The following TTN variants were observed in gnomAD, a reference collection of about 807,000 sequenced individuals.
The protein encoded by TTN is titin.
Under a neutral mutation model 3,223.0 loss-of-function variants are expected in TTN, and 1,525 were observed. The ratio of observed to expected loss-of-function variants is 0.47; its 90% CI spans 0.45 to 0.49. The LOEUF is 0.49. TTN is among the 20% of genes least tolerant of loss of function. TTN has a pLI of 0.00. For missense variants in TTN, 40,786 were observed against 43,424.0 expected, an observed-to-expected ratio of 0.94 and a Z score of 5.40; for synonymous variants, 14,094 against 15,161.0, an observed-to-expected ratio of 0.93 and a Z score of 5.17.
rs1231315404 is a variant in TTN at position 178,705,070 on chromosome 2, T to A, written c.29604+104A>T. On this transcript the variant is annotated intron_variant, in intron 103 of 362. Coordinates refer to ENST00000589042, the MANE Select transcript of TTN (RefSeq NM_001267550.2). ...ATTCTGGATGCTGGTTAGGTCATAT[T>A]AAATGACGTCATATAACTATAGGAT... The A allele has an allele frequency of 3.1e-5, 48 of 1,569,836 alleles. No homozygotes were observed. In the South Asian group the frequency reaches 5.5e-4, roughly 18 times the overall value.
chr2:178,768,870 T>G lies in TTN; in HGVS notation c.8966A>C (p.Glu2989Ala), dbSNP rs1383280638. The change falls in exon 38 of 363, where the codon GAG becomes GCG. Residue 2989 changes from glutamate (E) to alanine (A), a missense_variant. By Grantham distance (107) the Glu-to-Ala change is moderately radical (BLOSUM62 -1). Coordinates refer to ENST00000589042, the MANE Select transcript of TTN (RefSeq NM_001267550.2). ...NAEEKDTITF[E>A]VTVNYEGISY... Reference sequence around the variant, plus strand: ...GATGCCTTCATAGTTCACTGTCACCTCAAAAGTAATAGTGTCTTTTTCTTC... The same window carrying G: ...GATGCCTTCATAGTTCACTGTCACCGCAAAAGTAATAGTGTCTTTTTCTTC... 2 of 1,613,968 alleles carry G rather than the reference T, an allele frequency of 1.2e-6. No homozygotes were observed. The highest frequency in any genetic ancestry group is 3.3e-5 in the Admixed American group (2 of 59,994).
chr2:178,758,904 G>T, intron 44 of TTN, 80 bp downstream of exon 44: 1 of 1,363,104 alleles, frequency 7.3e-7, no homozygotes, highest in Non-Finnish European at 1.0e-6. Context: ...TGATTTACAT[G>T]AACTCTTGAG....
rs72650052 is a variant in TTN at position 178,673,647 on chromosome 2, G to A, written c.34772C>T (p.Ala11591Val). ...APTPVPKKVE[A>V]PPAKVSKKIP... is the part of the protein sequence containing the mutation. ...ATTTGATATACCTTTAGCTGGTGGT[G>A]CCTCCACTTTTTTAGGAACAGGAGT... is the stretch of plus-strand genomic sequence containing the variant. The change falls in exon 152 of 363, where the codon GCA (alanine) becomes GTA (valine). Residue 11591 changes from alanine to valine, a missense_variant. Transcript: ENST00000589042. The A allele has an allele frequency of 8.8e-6, 14 of 1,594,272 alleles. No homozygotes were observed. The African/African-American group carries it at 1.6e-4, about 19-fold the overall frequency.
chr2:178,769,645 ATG>A lies in TTN; in HGVS notation c.8902+32_8902+33del, dbSNP rs2091153122. ...ACTGAATATTTGATATTTTATATAT[ATG>A]TGTATATATATATATATATTTTTTA... On this transcript the variant is annotated intron_variant, in intron 37 of 362. Coordinates refer to ENST00000589042, the MANE Select transcript of TTN (RefSeq NM_001267550.2). The A allele has an allele frequency of 6.1e-6, 8 of 1,315,618 alleles. No individual in the cohort carries two copies. In the Admixed American group the frequency reaches 8.2e-5, roughly 14 times the overall value. The allele number at this position is 1,315,618 out of a possible 1,614,324, so 81.5% of individuals were successfully genotyped here. A position where few individuals can be genotyped will look rare whatever the true frequency, so the allele number is the denominator to read the frequency against.
In TTN at chr2:178,572,569, G is replaced by A. The variant is rs756809007; in HGVS notation, c.73563C>T (p.Gly24521=). The change falls in exon 326 of 363, where the codon GGC becomes GGT. Residue 24521 remains glycine, a synonymous_variant. Coordinates refer to ENST00000589042, the MANE Select transcript of TTN (RefSeq NM_001267550.2). ...FVNVRVLDTP[G]PPQDLKVKEV... is the part of the protein sequence containing the mutation. ...CTTTTACCTTCAGATCCTGTGGGGG[G>A]CCTGGTGTATCGAGAACTCTAACAT... 10 of 1,613,310 alleles carry A rather than the reference G, an allele frequency of 6.2e-6. No homozygotes were observed. In the African/African-American group the frequency reaches 1.2e-4, roughly 19 times the overall value.
Position 178,563,624 on chromosome 2 carries a change from C to T in TTN, c.82508G>A (p.Gly27503Asp). Residue 27503 changes from glycine to aspartate, a missense_variant, in exon 326 of 363, where the codon GGC (glycine) becomes GAC (aspartate). Transcript: ENST00000589042. This position sits in a 1 kb window ranked among gnomAD's most constrained non-coding sequence, Gnocchi z 4.5. ...PVDDGGTEIE[G>D]YILEKRDKEG... The stretch of plus-strand genomic sequence containing the variant: ...CTTATCTCGTTTTTCAAGAATGTAG[C>T]CCTCAATTTCGGTACCTCCGTCGTC... The T allele has an allele frequency of 5.6e-6, 9 of 1,613,732 alleles. No individual in the cohort carries two copies. The highest frequency in any genetic ancestry group is 7.6e-6 in the Non-Finnish European group (9 of 1,179,774).
Position 178,614,158 on chromosome 2 carries a change from G to T in TTN, c.49239C>A (p.Thr16413=). Residue 16413 remains threonine (T), a synonymous_variant, in exon 262 of 363, where the codon ACC becomes ACA. Coordinates refer to ENST00000589042, the MANE Select transcript of TTN (RefSeq NM_001267550.2). The part of the protein sequence containing the change: ...STVKDTNFKA[T]KLIPNKEYIF... ...TGTACTCTTTATTGGGGATTAATTT[G>T]GTGGCCTTGAAGTTTGTATCCTTGA... The T allele has an allele frequency of 9.3e-6, 15 of 1,612,404 alleles. No individual in the cohort carries two copies. The highest frequency in any genetic ancestry group is 1.3e-5 in the Non-Finnish European group (15 of 1,179,198).
rs373305832 is a variant in TTN, at chr2:178,618,241, G to A, written c.47217C>T (p.Gly15739=). The change falls in exon 252 of 363, where the codon GGC becomes GGT. Residue 15739 remains glycine, a synonymous_variant. Transcript: ENST00000589042. Reference sequence around the variant, plus strand: ...TGTCAGTTTCTACTGGCTCACCAGTGCCAACTCTGTTTCTTGCACTCACAC... The same window carrying A: ...TGTCAGTTTCTACTGGCTCACCAGTACCAACTCTGTTTCTTGCACTCACAC... The part of the protein sequence containing the change: ...LFRVSARNRV[G]TGEPVETDNP... The A allele has an allele frequency of 2.2e-5, 35 of 1,612,650 alleles. No individual in the cohort carries two copies. Among genetic ancestry groups the A allele is most frequent in the Non-Finnish European group, 2.8e-5 (33 of 1,179,182 alleles).
In TTN at chr2:178,714,564, C is replaced by T. The variant is rs769711887; in HGVS notation, c.26210G>A (p.Arg8737Lys). ...TATGTCACTGAGCTTCTTCACAAAT[C>T]TTGGTGGTGCTGATGAAAAAGGAGG... is the stretch of plus-strand genomic sequence containing the variant. ...VGSIALKAPP[R>K]FVKKLSDIST... Residue 8737 changes from arginine to lysine, a missense_variant, in exon 91 of 363, where the codon AGA becomes AAA. Coordinates refer to ENST00000589042, the MANE Select transcript of TTN (RefSeq NM_001267550.2). 6.3e-7 allele frequency: 1 copy of T among 1,594,112 alleles called. No homozygotes were observed. Among genetic ancestry groups the T allele is most frequent in the Non-Finnish European group, 8.6e-7 (1 of 1,168,486 alleles).
rs879172660 is a variant in TTN, at chr2:178,722,765, G to A, written c.22134C>T (p.Ala7378=). 14 of 1,613,218 alleles carry A rather than the reference G, an allele frequency of 8.7e-6. No homozygotes were observed. Among genetic ancestry groups the A allele is most frequent in the Middle Eastern group, 1.7e-4 (1 of 6,056 alleles). ...TGTTCACTTTATTAAAAACAAGTGT[G>A]GCCACATTGTTTGTAAAGTAGGTCC... ...EYRTYFTNNV[A]TLVFNKVNIN... Residue 7378 remains alanine (A), a synonymous_variant, in exon 76 of 363, where the codon GCC becomes GCT. Coordinates refer to ENST00000589042, the MANE Select transcript of TTN (RefSeq NM_001267550.2).
chr2:178,684,632 G>A (rs1472139328), intron 131 of TTN, 34 bp downstream of exon 131: 3 of 1,586,144 alleles, frequency 1.9e-6, no homozygotes, highest in Non-Finnish European at 1.7e-6. Context: ...CAAGCCATAT[G>A]TTCCTAGTTT....
Position 178,574,783 on chromosome 2 carries a change from A to G in TTN, c.71349T>C (p.Arg23783=). 6.2e-7 allele frequency: 1 copy of G among 1,612,224 alleles called. No homozygotes were observed. Among genetic ancestry groups the G allele is most frequent in the South Asian group, 1.1e-5 (1 of 90,874 alleles). The change falls in exon 326 of 363, where the codon CGT becomes CGC. Residue 23783 remains arginine, a synonymous_variant. Coordinates refer to ENST00000589042, the MANE Select transcript of TTN (RefSeq NM_001267550.2). ...TAAGGCGGGTGGCTTTATAGGTAGT[A>G]CGTATAACGGTGGTTGCTAACTCAA... ...TWVELATTVI[R]TTYKATRLTT...
intron 346 of TTN, 85 bp downstream of exon 346, chr2:178,543,749 C>G: frequency 6.5e-7 from 1 of 1,548,422 alleles, no homozygotes; most frequent in Non-Finnish European, 8.7e-7. Flanking sequence ...TAGTTCCTTT[C>G]TAGAGAGGTG....
chr2:178,718,405 G>T lies in TTN; in HGVS notation c.24701C>A (p.Thr8234Lys). The T allele has an allele frequency of 6.2e-7, 1 of 1,613,740 alleles. No homozygotes were observed. The highest frequency in any genetic ancestry group is 8.5e-7 in the Non-Finnish European group (1 of 1,179,728). ...GCTGTACTGTGCATAATCCTCTATT[G>T]TGCTCTCAAGAATTTCCAGTATGGT... ...KSTILEILES[T>K]IEDYAQYSCL... is the part of the protein sequence containing the mutation. The change falls in exon 85 of 363, where the codon ACA becomes AAA. Residue 8234 changes from threonine to lysine, a missense_variant. Physicochemically the swap from Thr to Lys is moderately conservative, Grantham distance 78 (BLOSUM62 -1). Coordinates refer to ENST00000589042, the MANE Select transcript of TTN (RefSeq NM_001267550.2).
In TTN at chr2:178,569,471, G is replaced by C. The variant is rs879087699; in HGVS notation, c.76661C>G (p.Ala25554Gly). 7 of 1,612,634 alleles carry C rather than the reference G, an allele frequency of 4.3e-6. No individual in the cohort carries two copies. In the African/African-American group the frequency reaches 8.0e-5, roughly 18 times the overall value. Reference protein sequence around the residue: ...WGKVDGEIRDAAIIDVTSSFT... With the variant: ...WGKVDGEIRDGAIIDVTSSFT... ...ACTGCTAGTGACATCAATTATAGCTGCATCTCGGATTTCACCATCCACCTT... is the reference window on the plus strand; with the variant it reads ...ACTGCTAGTGACATCAATTATAGCTCCATCTCGGATTTCACCATCCACCTT... The change falls in exon 326 of 363, where the codon GCA (alanine) becomes GGA (glycine). Residue 25554 changes from alanine to glycine, a missense_variant. By Grantham distance (60) the Ala-to-Gly change is moderately conservative. Transcript: ENST00000589042.
intron 292 of TTN, 113 bp from the exon 293 acceptor site, chr2:178,598,171 T>C (rs1224820619): frequency 3.2e-6 from 4 of 1,261,712 alleles, no homozygotes; most frequent in Non-Finnish European, 4.4e-6. Flanking sequence ...TCTGGGAAAA[T>C]TGTTGCTGGT....
chr2:178,724,458 C>T lies in TTN; in HGVS notation c.20917G>A (p.Gly6973Ser), dbSNP rs1320591488. 2 of 1,613,324 alleles carry T rather than the reference C, an allele frequency of 1.2e-6. No homozygotes were observed. The highest frequency in any genetic ancestry group is 2.2e-5 in the East Asian group (1 of 44,834). Reference protein sequence around the residue: ...ETCTLECKVAGTPELSVEWYK... With the variant: ...ETCTLECKVASTPELSVEWYK... ...CATTCAACAGAGAGTTCCGGAGTGCCAGCCACCTTACACTCCAGAGTGCAC... is the reference window on the plus strand; with the variant it reads ...CATTCAACAGAGAGTTCCGGAGTGCTAGCCACCTTACACTCCAGAGTGCAC... The change falls in exon 72 of 363, where the codon GGC becomes AGC. Residue 6973 changes from glycine (G) to serine (S), a missense_variant. Physicochemically the swap from Gly to Ser is moderately conservative, Grantham distance 56. Transcript: ENST00000589042.
At position 178,650,787 on chromosome 2, in the gene TTN, G is replaced by A. The variant is rs202240398; in HGVS notation, c.39673C>T (p.Pro13225Ser). 1.9e-5 allele frequency: 30 copies of A among 1,607,658 alleles called. No homozygotes were observed. Among genetic ancestry groups the A allele is most frequent in the Admixed American group, 1.7e-5 (1 of 59,340 alleles). The change falls in exon 209 of 363, where the codon CCT (proline) becomes TCT (serine). Residue 13225 changes from proline to serine, a missense_variant. Pro to Ser is a moderately conservative substitution (Grantham distance 74). Coordinates refer to ENST00000589042, the MANE Select transcript of TTN (RefSeq NM_001267550.2). ...KPVLEEKPAV[P>S]VPERAESPPP... ...GGAGACTCCGCTCTTTCTGGAACAG[G>A]AACAGCTGGTTTCTCTTCCAAGACA...
Position 178,712,565 on chromosome 2 carries a change from A to T in TTN, c.27357T>A (p.Asn9119Lys), listed in dbSNP as rs2154296108. The T allele has an allele frequency of 6.2e-7, 1 of 1,612,770 alleles. No homozygotes were observed. Among genetic ancestry groups the T allele is most frequent in the Non-Finnish European group, 8.5e-7 (1 of 1,179,224 alleles). Residue 9119 changes from asparagine (N) to lysine (K), a missense_variant, in exon 95 of 363, where the codon AAT becomes AAA. Coordinates refer to ENST00000589042, the MANE Select transcript of TTN (RefSeq NM_001267550.2). ...GTTTTCCTTTCTCTATGCTGTAATC[A>T]TTCAGCCTCTTCACAAATTTGGCTG... ...KAPAKFVKRL[N>K]DYSIEKGKPL...
Sources: gnomAD v4.1 joint callset for allele counts on GRCh38, gnomAD v4.1.1 for gene constraint, Gnocchi (gnomAD v3.1) non-coding constraint, MANE v1.5 for transcripts, NCBI Gene and HGNC (gene_info 2026-07-23, HGNC 2026-07-21) for gene names.